The following CACNA1A variants were observed in gnomAD, a reference collection of about 807,000 sequenced individuals.
CACNA1A encodes voltage-dependent P/Q-type calcium channel subunit alpha-1A.
In CACNA1A, 57 loss-of-function variants were observed where a neutral mutation model predicts 262.4. The observed-to-expected ratio is 0.22, with a 90% confidence interval of 0.18 to 0.27. The LOEUF (loss-of-function observed/expected upper bound fraction) is 0.27, where lower values mean the gene tolerates loss of function less well. Ranked by LOEUF, CACNA1A falls within the 10% of genes least tolerant of loss-of-function variation. CACNA1A has a pLI of 1.00. For synonymous variants in CACNA1A, 1,431 were observed against 1,419.3 expected (o/e 1.01, Z -0.18); for missense variants, 2,526 against 3,562.8 (o/e 0.71, Z 7.41).
At position 13,241,833 on chromosome 19, in the gene CACNA1A, A is replaced by G. The variant is rs1326934292; in HGVS notation, c.4950+3349T>C. 6.6e-6 allele frequency among the ~76,000 whole-genome samples: 1 copy of G among 152,180 alleles called. No individual in the cohort carries two copies. Among genetic ancestry groups the G allele is most frequent in the African/African-American group, 2.4e-5 (1 of 41,450 alleles). The stretch of plus-strand genomic sequence containing the variant: ...CATGAAAAGAGACAAGACAAGAAAC[A>G]CAGTCATTATCCATTGCACACAGGG... On this transcript the variant is annotated intron_variant, in intron 31 of 46. Coordinates refer to ENST00000360228, the MANE Select transcript of CACNA1A (RefSeq NM_001127222.2). The surrounding 1 kb of genome is among the most constrained non-coding windows in gnomAD (Gnocchi z 4.0).
intron 1 of CACNA1A, among the ~76,000 whole-genome samples, chr19:13,483,473 C>T (rs1225374338): frequency 6.6e-6 from 1 of 152,148 alleles, no homozygotes; most frequent in Admixed American, 6.5e-5. Context: ...CAGAGCACCC[C>T]GTTCTCCACC....
chr19:13,257,443 G>A lies in CACNA1A; in HGVS notation c.4497C>T (p.Phe1499=). ...FYVVYFVVFP[F]FFVNIFVALI... is the part of the protein sequence containing the mutation. ...AGGCCACAAAGATATTGACAAAGAA[G>A]AAGGGGAACACCACAAAGTAGACGA... Residue 1499 remains phenylalanine, a synonymous_variant, in exon 28 of 47, where the codon TTC becomes TTT. Transcript: ENST00000360228. 6.2e-7 allele frequency: 1 copy of A among 1,613,920 alleles called. No homozygotes were observed. The highest frequency in any genetic ancestry group is 8.5e-7 in the Non-Finnish European group (1 of 1,179,808).
At chr19:13,371,058 G>A (rs762072352) in intron 4 of CACNA1A, 1 of 152,172 alleles carries the variant, frequency 6.6e-6, no homozygotes, top group Admixed American at 6.6e-5. Context: ...AGCAAGGAAT[G>A]AGTATGAATT....
At chr19:13,363,823 G>A (rs1243417036) in intron 5 of CACNA1A, 1 of 152,216 alleles carries the variant, frequency 6.6e-6, no homozygotes, top group Non-Finnish European at 1.5e-5. Flanking sequence ...ATCAGAACCA[G>A]AACTGCTATT....
intron 10 of CACNA1A, among the ~76,000 whole-genome samples, chr19:13,324,811 C>T (rs191468199): frequency 6.6e-6 from 1 of 152,076 alleles, no homozygotes; most frequent in Admixed American, 6.6e-5. Context: ...GAGCTCCAGG[C>T]TGCAGAGAGC....
In CACNA1A at chr19:13,214,069, C is replaced by A. The variant is rs945501943; in HGVS notation, c.5940+164G>T. On this transcript the variant is annotated intron_variant, in intron 40 of 46. Coordinates refer to ENST00000360228, the MANE Select transcript of CACNA1A (RefSeq NM_001127222.2). This position sits in a 1 kb window ranked among gnomAD's most constrained non-coding sequence, Gnocchi z 4.1. The stretch of plus-strand genomic sequence containing the variant: ...GTCTCAAACGATCCCTCTGCCCTGG[C>A]CTCTCAAAGCACTGAGATTGCAGGT... 4.7e-5 allele frequency: 29 copies of A among 622,362 alleles called. No individual in the cohort carries two copies. The highest frequency in any genetic ancestry group is 7.5e-5 in the Non-Finnish European group (26 of 345,608). The allele number at this position is 622,362 out of a possible 1,614,324, so 38.6% of individuals were successfully genotyped here.
Position 13,385,947 on chromosome 19 carries a change from A to C in CACNA1A, c.540-14168T>G, listed in dbSNP as rs147295173. On this transcript the variant is annotated intron_variant, in intron 3 of 46. Coordinates refer to ENST00000360228, the MANE Select transcript of CACNA1A (RefSeq NM_001127222.2). ...TGAGGCAGGAGGATTGTTTGAGCTC[A>C]GGAGTTCAAGACCAGCCTGGGCAAC... Among the ~76,000 whole-genome samples, 801 of 152,184 alleles carry C rather than the reference A, an allele frequency of 5.3e-3. 8 individuals are homozygous for C. The highest frequency in any genetic ancestry group is 8.2e-3 in the Non-Finnish European group (557 of 67,986).
At chr19:13,462,088 A>G (rs1286575441) in intron 1 of CACNA1A, among the ~76,000 whole-genome samples, 1 of 152,194 alleles carries the variant, frequency 6.6e-6, no homozygotes, top group Admixed American at 6.5e-5. Flanking sequence ...AACATGAAGG[A>G]AAATTCTCAA....
intron 3 of CACNA1A, among the ~76,000 whole-genome samples, chr19:13,382,402 A>C (rs557021332): frequency 6.6e-6 from 1 of 152,276 alleles, no homozygotes; most frequent in South Asian, 2.1e-4. Flanking sequence ...GGCTCCCAAG[A>C]TGCATTACCT....
chr19:13,393,375 C>A (rs1341258019), intron 3 of CACNA1A, among the ~76,000 whole-genome samples: 1 of 152,122 alleles, frequency 6.6e-6, no homozygotes, highest in East Asian at 1.9e-4. Context: ...GCTGTATGAC[C>A]CCATGTGCTT....
intron 1 of CACNA1A, among the ~76,000 whole-genome samples, chr19:13,494,766 A>C (rs926473046): frequency 2.6e-5 from 4 of 152,130 alleles, no homozygotes; most frequent in African/African-American, 9.7e-5. Context: ...GAGAGGAGAG[A>C]GAGGAAAGAG....
intron 3 of CACNA1A, among the ~76,000 whole-genome samples, chr19:13,407,999 T>C (rs1426823637): frequency 1.3e-5 from 2 of 152,160 alleles, no homozygotes; most frequent in African/African-American, 2.4e-5. Flanking sequence ...CCTGCCACCA[T>C]GTGAAGATGT....
chr19:13,259,116 A>C (rs1336291624), intron 27 of CACNA1A: 1 of 146,638 alleles, frequency 6.8e-6, no homozygotes, highest in Non-Finnish European at 1.5e-5. Flanking sequence ...TTAAATAAAG[A>C]CTAAGTCCAT....
At chr19:13,468,415 C>T (rs570639036) in intron 1 of CACNA1A, among the ~76,000 whole-genome samples, 3 of 152,280 alleles carry the variant, frequency 2.0e-5, no homozygotes, top group African/African-American at 7.2e-5. Flanking sequence ...GCAATAGTGA[C>T]ATCCCTGTTC....
In CACNA1A at chr19:13,283,461, C is replaced by T. The variant is rs1330533869; in HGVS notation, c.3693-65G>A. 4 of 1,598,248 alleles carry T rather than the reference C, an allele frequency of 2.5e-6. No homozygotes were observed. In the African/African-American group the frequency reaches 5.4e-5, roughly 21 times the overall value. The stretch of plus-strand genomic sequence containing the variant: ...CACAGGCTCACAAACCCTTTTCTTC[C>T]ATAATCTCATGTTACCTACCACTAC... On this transcript the variant is annotated intron_variant, in intron 21 of 46. Transcript: ENST00000360228.
Position 13,493,196 on chromosome 19 carries a change from A to G in CACNA1A, c.293+12736T>C, listed in dbSNP as rs530539069. On this transcript the variant is annotated intron_variant, in intron 1 of 46. Transcript: ENST00000360228. ...TCTAAAGTTCACAGAAAGCTGGCTT[A>G]GACACCCAGCTAGGAAGACAAACTG... 1.6e-3 allele frequency among the ~76,000 whole-genome samples: 248 copies of G among 152,338 alleles called. 1 individual carries two copies. Among genetic ancestry groups the G allele is most frequent in the Non-Finnish European group, 2.8e-3 (188 of 68,026 alleles).
intron 5 of CACNA1A, among the ~76,000 whole-genome samples, chr19:13,360,904 G>A (rs927108731): frequency 5.3e-5 from 8 of 152,040 alleles, no homozygotes; most frequent in South Asian, 2.1e-4. Context: ...ATTGCATTAC[G>A]GTCAGAAAAT....
At chr19:13,354,554 C>T (rs2058971850) in intron 6 of CACNA1A, among the ~76,000 whole-genome samples, 1 of 152,224 alleles carries the variant, frequency 6.6e-6, no homozygotes, top group Non-Finnish European at 1.5e-5. Flanking sequence ...ACAGACGCTA[C>T]TCGTTGTTTT....
intron 30 of CACNA1A, among the ~76,000 whole-genome samples, chr19:13,246,551 T>C (rs1391116019): frequency 6.6e-6 from 1 of 152,170 alleles, no homozygotes; most frequent in Non-Finnish European, 1.5e-5. Context: ...TTACTGCAGC[T>C]TCACTTGATC....
Sources: gnomAD v4.1 joint callset for allele counts (sites outside exome capture counted in the v4.1 genomes callset) on GRCh38, gnomAD v4.1.1 for gene constraint, Gnocchi (gnomAD v3.1) non-coding constraint, MANE v1.5 for transcripts, NCBI Gene and HGNC (gene_info 2026-07-23, HGNC 2026-07-21) for gene names.